PLPP4: variants seen among roughly 807,000 people sequenced by gnomAD.
The protein encoded by PLPP4 is phospholipid phosphatase 4.
PLPP4 carries 20 observed loss-of-function variants against 32.2 expected under a neutral mutation model. The ratio of observed to expected loss-of-function variants is 0.62; its 90% confidence interval spans 0.44 to 0.90. The LOEUF is 0.90. Ranked by LOEUF, PLPP4 falls within the 40% of genes least tolerant of loss-of-function variation. The pLI is 0.00. For synonymous variants in PLPP4, 127 were observed against 133.0 expected, an observed-to-expected ratio of 0.95 and a Z score of 0.31; for missense variants, 257 against 353.1, an observed-to-expected ratio of 0.73 and a Z score of 2.18.
Position 120,589,724 on chromosome 10 carries a change from TGGAAGAGGC to T in PLPP4, c.*223_*231del. On this transcript the variant is annotated 3_prime_UTR_variant, in exon 7 of 7. Coordinates refer to ENST00000398250, the MANE Select transcript of PLPP4 (RefSeq NM_001030059.3). ...AGGACAACAATCTCTGAGAGACGTGTGGAAGAGGCTGTGAAGGTGGGGTTTGGGGAGCTT... is the reference window on the plus strand; with the variant it reads ...AGGACAACAATCTCTGAGAGACGTGTTGTGAAGGTGGGGTTTGGGGAGCTT... 1.9e-6 allele frequency: 1 copy of T among 535,638 alleles called. No homozygotes were observed. The highest frequency in any genetic ancestry group is 3.4e-5 in the Admixed American group (1 of 29,738). The allele number at this position is 535,638 out of a possible 1,614,324, so 33.2% of individuals were successfully genotyped here. A position where few individuals can be genotyped will look rare whatever the true frequency, so the allele number is the denominator to read the frequency against.
Position 120,545,387 on chromosome 10 carries a change from C to T in PLPP4, c.445+24292C>T, listed in dbSNP as rs140984794. The stretch of plus-strand genomic sequence containing the variant: ...GATTTGGCCACACAAAGCCAAGGGA[C>T]GAGTATGATATTCTGCCTTTACTCA... On this transcript the variant is annotated intron_variant, in intron 5 of 6. Coordinates refer to ENST00000398250, the MANE Select transcript of PLPP4 (RefSeq NM_001030059.3). Among the ~76,000 whole-genome samples, 771 of 150,000 alleles carry T rather than the reference C, an allele frequency of 5.1e-3. 12 individuals carry two copies. Among genetic ancestry groups the T allele is most frequent in the African/African-American group, 0.018 (716 of 39,310 alleles).
chr10:120,494,941 T>C (rs1176315020), intron 1 of PLPP4, among the ~76,000 whole-genome samples: 2 of 152,226 alleles, frequency 1.3e-5, no homozygotes, highest in African/African-American at 4.8e-5. Context: ...GGGAAAAATC[T>C]GTGTCTTATT....
chr10:120,552,832 C>T (rs533078314), intron 5 of PLPP4, among the ~76,000 whole-genome samples: 1 of 152,200 alleles, frequency 6.6e-6, no homozygotes, highest in Non-Finnish European at 1.5e-5. Flanking sequence ...CTGATTTACA[C>T]AACTCTTCAA....
chr10:120,535,005 T>C (rs893952502), intron 5 of PLPP4, among the ~76,000 whole-genome samples: 2 of 152,148 alleles, frequency 1.3e-5, no homozygotes, highest in Non-Finnish European at 2.9e-5. Flanking sequence ...GACTTTCCTG[T>C]TTCTTTGCAT....
intron 5 of PLPP4, among the ~76,000 whole-genome samples, chr10:120,560,869 C>G (rs190296491): frequency 6.6e-5 from 10 of 152,122 alleles, no homozygotes; most frequent in East Asian, 1.9e-4. Context: ...TATCAGCAAG[C>G]CTTCTGGTCA....
chr10:120,550,253 A>C (rs1404878442), intron 5 of PLPP4, among the ~76,000 whole-genome samples: 1 of 152,002 alleles, frequency 6.6e-6, no homozygotes, highest in Non-Finnish European at 1.5e-5. Context: ...TGTGAAACCT[A>C]TATTTTTCAA....
At chr10:120,585,976 A>G (rs888251912) in intron 6 of PLPP4, among the ~76,000 whole-genome samples, 2 of 152,196 alleles carry the variant, frequency 1.3e-5, no homozygotes, top group Admixed American at 6.5e-5. Flanking sequence ...CACTGTATTC[A>G]TCAGTTGTTG....
intron 5 of PLPP4, among the ~76,000 whole-genome samples, chr10:120,529,365 C>T (rs10886705): frequency 0.056 from 8,463 of 152,140 alleles, 375 homozygotes; most frequent in East Asian, 0.1. Context: ...GGTAATTAGG[C>T]AAATATATGG....
At chr10:120,457,778 C>G (rs946425021) in intron 1 of PLPP4, among the ~76,000 whole-genome samples, 4 of 152,334 alleles carry the variant, frequency 2.6e-5, no homozygotes, top group Middle Eastern at 3.4e-3. Flanking sequence ...GATTCCTCCC[C>G]GCTGTGCCCA....
intron 3 of PLPP4, among the ~76,000 whole-genome samples, chr10:120,514,813 C>T (rs975135217): frequency 7.3e-4 from 111 of 152,206 alleles, no homozygotes; most frequent in Non-Finnish European, 2.5e-4. Context: ...TTTTTTGACA[C>T]GTCACCTAAA....
intron 5 of PLPP4, among the ~76,000 whole-genome samples, chr10:120,571,704 A>G (rs1848949196): frequency 6.6e-6 from 1 of 152,060 alleles, no homozygotes; most frequent in Admixed American, 6.6e-5. Flanking sequence ...AGCTGCCAGG[A>G]AGAGTGTCAG....
At chr10:120,473,844 C>T (rs1292563924) in intron 1 of PLPP4, among the ~76,000 whole-genome samples, 2 of 152,122 alleles carry the variant, frequency 1.3e-5, no homozygotes, top group Admixed American at 1.3e-4. Flanking sequence ...CTGTAAGTTT[C>T]CAGGAGCCTC....
chr10:120,591,286 C>T lies in PLPP4; in HGVS notation c.*1784C>T, dbSNP rs922469744. Among the ~76,000 whole-genome samples, 2 of 152,136 alleles carry T rather than the reference C, an allele frequency of 1.3e-5. No individual in the cohort carries two copies. The highest frequency in any genetic ancestry group is 1.5e-5 in the Non-Finnish European group (1 of 68,028). On this transcript the variant is annotated 3_prime_UTR_variant, in exon 7 of 7. Coordinates refer to ENST00000398250, the MANE Select transcript of PLPP4 (RefSeq NM_001030059.3). Reference sequence around the variant, plus strand: ...GAGCCCCAGTGCAGCCCTCTCCAGCCCTGGTCCTTCCAAACTGGCTTTGGC... The same window carrying T: ...GAGCCCCAGTGCAGCCCTCTCCAGCTCTGGTCCTTCCAAACTGGCTTTGGC...
intron 5 of PLPP4, among the ~76,000 whole-genome samples, chr10:120,524,523 A>G (rs1461562951): frequency 1.3e-5 from 2 of 152,212 alleles, no homozygotes; most frequent in Non-Finnish European, 2.9e-5. Flanking sequence ...AGGTCCTCAT[A>G]TCGTCCTTAG....
chr10:120,575,599 G>A (rs564969097), intron 6 of PLPP4, among the ~76,000 whole-genome samples: 2 of 152,256 alleles, frequency 1.3e-5, no homozygotes, highest in East Asian at 3.9e-4. Flanking sequence ...AGACCCAAAT[G>A]TGATTTTCCT....
rs181136807 is a variant in PLPP4, at chr10:120,551,727, G to T, written c.446-23404G>T. 1.9e-4 allele frequency among the ~76,000 whole-genome samples: 29 copies of T among 152,144 alleles called. 1 individual carries two copies. Among genetic ancestry groups the T allele is most frequent in the Non-Finnish European group, 7.3e-5 (5 of 68,034 alleles). On this transcript the variant is annotated intron_variant, in intron 5 of 6. Coordinates refer to ENST00000398250, the MANE Select transcript of PLPP4 (RefSeq NM_001030059.3). The stretch of plus-strand genomic sequence containing the variant: ...GGAACTGGCTGGCAAGAGCTGTAAC[G>T]GATTATTCTGAGGTGATGGAAATGT...
At chr10:120,530,942 A>G (rs1846678097) in intron 5 of PLPP4, among the ~76,000 whole-genome samples, 1 of 152,118 alleles carries the variant, frequency 6.6e-6, no homozygotes, top group African/African-American at 2.4e-5. Context: ...CAGGCTGTTC[A>G]CTTATCTTAC....
chr10:120,571,093 C>CGTGTGTGTGT lies in PLPP4; in HGVS notation c.446-4008_446-3999dup, dbSNP rs60011757. On this transcript the variant is annotated intron_variant, in intron 5 of 6. Coordinates refer to ENST00000398250, the MANE Select transcript of PLPP4 (RefSeq NM_001030059.3). ...TTCCTTCCCATCAGTAGTAAAGGGG[C>CGTGTGTGTGT]GTGTGTGTGTGTGTGTGTGTGTGTG... Among the ~76,000 whole-genome samples, 398 of 144,636 alleles carry CGTGTGTGTGT rather than the reference C, an allele frequency of 2.8e-3. 2 individuals are homozygous for CGTGTGTGTGT. The highest frequency in any genetic ancestry group is 0.01 in the South Asian group (44 of 4,330). 94.9% of individuals were successfully genotyped at this position (144,636 alleles called of 152,430 possible). A position where few individuals can be genotyped will look rare whatever the true frequency, so the allele number is the denominator to read the frequency against.
intron 1 of PLPP4, among the ~76,000 whole-genome samples, chr10:120,487,155 T>C (rs1844495968): frequency 6.6e-6 from 1 of 152,248 alleles, no homozygotes. Context: ...ATTAAGACCT[T>C]ACAATCACAA....
Sources: gnomAD v4.1 joint callset for allele counts (sites outside exome capture counted in the v4.1 genomes callset) on GRCh38, gnomAD v4.1.1 for gene constraint, MANE v1.5 for transcripts, NCBI Gene and HGNC (gene_info 2026-07-23, HGNC 2026-07-21) for gene names.